Variants in KIAA1328 observed in about 807,000 individuals in gnomAD.
KIAA1328 encodes the protein protein hinderin.
In KIAA1328, 52 loss-of-function variants were observed where a neutral mutation model predicts 68.1. That is an observed-to-expected ratio of 0.76 (90% confidence interval 0.61 to 0.96). The LOEUF is 0.96. KIAA1328 is among the 40% of genes least tolerant of loss of function. The pLI is 0.00. For missense variants in KIAA1328, 641 were observed against 677.6 expected, an observed-to-expected ratio of 0.95 and a Z score of 0.60; for synonymous variants, 232 against 239.4, an observed-to-expected ratio of 0.97 and a Z score of 0.28.
At chr18:36,873,284 A>G (rs535287631) in intron 4 of KIAA1328, among the ~76,000 whole-genome samples, 7 of 152,334 alleles carry the variant, frequency 4.6e-5, no homozygotes, top group African/African-American at 1.4e-4. Flanking sequence ...ATCATTTGGC[A>G]TATTTCCTAC....
At chr18:37,094,142 A>C (rs936534143) in intron 7 of KIAA1328, among the ~76,000 whole-genome samples, 50 of 152,188 alleles carry the variant, frequency 3.3e-4, no homozygotes, top group Non-Finnish European at 4.4e-5. Context: ...TGCACAGTTC[A>C]CAATAGGGTT....
intron 6 of KIAA1328, among the ~76,000 whole-genome samples, chr18:36,981,541 A>G (rs533008254): frequency 7.9e-5 from 12 of 152,304 alleles, no homozygotes; most frequent in East Asian, 3.9e-4. Context: ...CCATTGGTTT[A>G]TAAAGACAAA....
At chr18:36,914,996 A>G (rs541395406) in intron 5 of KIAA1328, among the ~76,000 whole-genome samples, 1 of 152,232 alleles carries the variant, frequency 6.6e-6, no homozygotes, top group Non-Finnish European at 1.5e-5. Flanking sequence ...GGAGATCCCA[A>G]TCAAAATCCT....
At chr18:37,186,564 CAAA>C (rs397858280) in intron 9 of KIAA1328, among the ~76,000 whole-genome samples, 2,198 of 73,148 alleles carry the variant, frequency 0.03, 23 homozygotes, top group East Asian at 0.14. Flanking sequence ...GAAACCCTAT[CAAA>C]AAAAAAAAAA....
chr18:37,224,499 G>A lies in KIAA1328; in HGVS notation c.*2272G>A. ...CTAACTTAATGGACATTTTGTTGGT[G>A]TTGGTGCAAGGGCAATAGGATGTAA... On this transcript the variant is annotated 3_prime_UTR_variant, in exon 10 of 10. Coordinates refer to ENST00000280020, the MANE Select transcript of KIAA1328 (RefSeq NM_020776.3). 1.0e-6 allele frequency: 1 copy of A among 985,346 alleles called. No individual in the cohort carries two copies. The allele number at this position is 985,346 out of a possible 1,614,324, so 61.0% of individuals were successfully genotyped here. A position where few individuals can be genotyped will look rare whatever the true frequency, so the allele number is the denominator to read the frequency against.
Position 36,844,315 on chromosome 18 carries a change from C to T in KIAA1328, c.332+13C>T, listed in dbSNP as rs1014912081. 6.6e-7 allele frequency: 1 copy of T among 1,511,782 alleles called. No individual in the cohort carries two copies. The highest frequency in any genetic ancestry group is 9.0e-7 in the Non-Finnish European group (1 of 1,116,836). 93.6% of individuals were successfully genotyped at this position (1,511,782 alleles called of 1,614,324 possible). On this transcript the variant is annotated intron_variant, in intron 4 of 9. Transcript: ENST00000280020. ...AAGAACTGGCCAGGTGAGATAAAAC[C>T]TTATATGAAATGATTTATTATACAA...
chr18:37,048,358 A>G (rs16968503), intron 6 of KIAA1328, among the ~76,000 whole-genome samples: 22,793 of 152,076 alleles, frequency 0.15, 1,818 homozygotes, highest in African/African-American at 0.18. Flanking sequence ...ATGTCTCCAA[A>G]TGTGCTATCC....
chr18:37,109,770 A>G (rs1475966769), intron 7 of KIAA1328, among the ~76,000 whole-genome samples: 3 of 152,144 alleles, frequency 2.0e-5, no homozygotes, highest in Non-Finnish European at 4.4e-5. Flanking sequence ...TACTTACACA[A>G]ATCTTTTTGA....
At chr18:37,103,148 A>C (rs1006081654) in intron 7 of KIAA1328, among the ~76,000 whole-genome samples, 2 of 152,232 alleles carry the variant, frequency 1.3e-5, no homozygotes, top group African/African-American at 4.8e-5. Flanking sequence ...GACATTCTTC[A>C]CATATATAAA....
intron 4 of KIAA1328, among the ~76,000 whole-genome samples, chr18:36,847,042 G>C (rs1568070828): frequency 6.6e-6 from 1 of 151,412 alleles, no homozygotes; most frequent in Non-Finnish European, 1.5e-5. Flanking sequence ...TTTGACCTCT[G>C]TATCTGGCTT....
intron 4 of KIAA1328, among the ~76,000 whole-genome samples, chr18:36,878,930 G>T (rs1348504734): frequency 6.6e-6 from 1 of 152,124 alleles, no homozygotes; most frequent in Non-Finnish European, 1.5e-5. Context: ...CTTTTATCAA[G>T]GTTCTTAGCT....
At chr18:36,956,300 G>A (rs987394555) in intron 5 of KIAA1328, among the ~76,000 whole-genome samples, 1 of 152,120 alleles carries the variant, frequency 6.6e-6, no homozygotes, top group African/African-American at 2.4e-5. Flanking sequence ...TTCTTAAAAG[G>A]TGGTTAGGCA....
chr18:37,054,034 G>A (rs2055811552), intron 6 of KIAA1328, among the ~76,000 whole-genome samples: 1 of 150,948 alleles, frequency 6.6e-6, no homozygotes, highest in African/African-American at 2.4e-5. Flanking sequence ...ATATGTAAGT[G>A]GCCAAGAAAC....
intron 6 of KIAA1328, among the ~76,000 whole-genome samples, chr18:36,994,100 A>G (rs1471292471): frequency 1.3e-5 from 2 of 152,164 alleles, no homozygotes; most frequent in African/African-American, 4.8e-5. Context: ...TTTCAAGAAA[A>G]TTTATACCCT....
At chr18:36,948,170 C>T (rs757473273) in intron 5 of KIAA1328, among the ~76,000 whole-genome samples, 14 of 151,490 alleles carry the variant, frequency 9.2e-5, no homozygotes, top group Non-Finnish European at 1.8e-4. Context: ...ATGGATAGCT[C>T]ATGAAATGTT....
chr18:37,042,816 C>A (rs1844566644), intron 6 of KIAA1328, among the ~76,000 whole-genome samples: 1 of 152,070 alleles, frequency 6.6e-6, no homozygotes, highest in South Asian at 2.1e-4. Flanking sequence ...ATAACTTTTC[C>A]AAATATTTTT....
At chr18:37,145,129 G>A (rs1449390425) in intron 7 of KIAA1328, among the ~76,000 whole-genome samples, 7 of 151,990 alleles carry the variant, frequency 4.6e-5, no homozygotes, top group Non-Finnish European at 1.0e-4. Context: ...TAGCTGCTCA[G>A]CGGAAGTGGA....
At chr18:36,942,749 G>A (rs1179293394) in intron 5 of KIAA1328, among the ~76,000 whole-genome samples, 1 of 152,078 alleles carries the variant, frequency 6.6e-6, no homozygotes, top group African/African-American at 2.4e-5. Flanking sequence ...CTTGTGTATG[G>A]TAGAAATTAG....
rs568283454 is a variant in KIAA1328, at chr18:37,100,172, C to T, written c.1232+32627C>T. Among the ~76,000 whole-genome samples, 184 of 152,242 alleles carry T rather than the reference C, an allele frequency of 1.2e-3. 2 individuals carry two copies. The Middle Eastern group carries it at 0.02, about 17-fold the overall frequency. On this transcript the variant is annotated intron_variant, in intron 7 of 9. Transcript: ENST00000280020. ...TCACTGGGGAGTGTTGAACAGTGGG[C>T]GCAGGGCTGTGGGTGCAGTGCACCA...
Sources: gnomAD v4.1 joint callset for allele counts (sites outside exome capture counted in the v4.1 genomes callset) on GRCh38, gnomAD v4.1.1 for gene constraint, MANE v1.5 for transcripts, NCBI Gene and HGNC (gene_info 2026-07-23, HGNC 2026-07-21) for gene names.